The following PAM variants were observed in gnomAD, a reference collection of about 807,000 sequenced individuals.
PAM encodes peptidylglycine alpha-amidating monooxygenase, also known as peptidyl-glycine alpha-amidating monooxygenase.
A neutral mutation model predicts 122.1 loss-of-function variants in PAM; 72 were observed. That is an observed-to-expected ratio of 0.59 (90% CI 0.49 to 0.72). The LOEUF (loss-of-function observed/expected upper bound fraction) is 0.72, where lower values mean the gene tolerates loss of function less well. Among genes scored for constraint, PAM ranks in the 30% least tolerant of loss-of-function variants. The pLI is 0.00. For synonymous variants in PAM, 389 were observed against 404.4 expected, an observed-to-expected ratio of 0.96 and a Z score of 0.46; for missense variants, 1,106 against 1,183.7, an observed-to-expected ratio of 0.93 and a Z score of 0.96.
intron 1 of PAM, among the ~76,000 whole-genome samples, chr5:102,774,321 T>A (rs1238955851): frequency 6.6e-6 from 1 of 152,118 alleles, no homozygotes; most frequent in East Asian, 1.9e-4. Flanking sequence ...GTTGAACTAA[T>A]TTACACTCCC....
intron 15 of PAM, among the ~76,000 whole-genome samples, chr5:102,981,946 A>G (rs761056766): frequency 1.3e-5 from 2 of 152,178 alleles, no homozygotes; most frequent in Non-Finnish European, 2.9e-5. Flanking sequence ...TTTCAAAAAT[A>G]CAGCATTAAT....
Position 102,934,250 on chromosome 5 carries a change from C to G in PAM, c.526+7582C>G, listed in dbSNP as rs191885037. Among the ~76,000 whole-genome samples the G allele has an allele frequency of 4.3e-3, 660 of 152,228 alleles. 4 individuals are homozygous for G. The highest frequency in any genetic ancestry group is 0.015 in the African/African-American group (637 of 41,534). ...AGTGGAAGGGAGACATAAATAGCAC[C>G]ATCTAAGCACTCATCCTAGCCTTCC... On this transcript the variant is annotated intron_variant, in intron 7 of 25. Coordinates refer to ENST00000438793, the MANE Select transcript of PAM (RefSeq NM_001177306.2).
At chr5:102,969,107 AG>A (rs1487945463) in intron 14 of PAM, among the ~76,000 whole-genome samples, 1 of 151,844 alleles carries the variant, frequency 6.6e-6, no homozygotes, top group East Asian at 1.9e-4. Context: ...GGGCTAGGGG[AG>A]GGATAGCATT....
chr5:102,785,770 G>A (rs1760350819), intron 1 of PAM, among the ~76,000 whole-genome samples: 1 of 152,146 alleles, frequency 6.6e-6, no homozygotes, highest in Non-Finnish European at 1.5e-5. Flanking sequence ...AGTAAGAGAT[G>A]TTTTTGTCTC....
intron 16 of PAM, among the ~76,000 whole-genome samples, chr5:102,991,842 A>G (rs756193503): frequency 6.6e-6 from 1 of 152,200 alleles, no homozygotes. Context: ...TACTATTCAT[A>G]GTAGCATATT....
At chr5:102,933,857 G>A (rs1027926036) in intron 7 of PAM, among the ~76,000 whole-genome samples, 1 of 152,192 alleles carries the variant, frequency 6.6e-6, no homozygotes, top group Admixed American at 6.5e-5. Flanking sequence ...CCACTATAAA[G>A]CAGGTTGTTC....
chr5:102,829,166 T>A (rs1476515966), intron 1 of PAM, among the ~76,000 whole-genome samples: 1 of 152,050 alleles, frequency 6.6e-6, no homozygotes, highest in Admixed American at 6.6e-5. Context: ...GATGCAACTG[T>A]TGGGATACAG....
chr5:102,818,315 C>T (rs971145110), intron 1 of PAM, among the ~76,000 whole-genome samples: 9 of 151,460 alleles, frequency 5.9e-5, no homozygotes, highest in East Asian at 3.9e-4. Context: ...AGTAAGTTAG[C>T]GTAGTAAATA....
chr5:102,812,399 A>G (rs1454305471), intron 1 of PAM, among the ~76,000 whole-genome samples: 8 of 152,118 alleles, frequency 5.3e-5, no homozygotes, highest in Non-Finnish European at 1.0e-4. Flanking sequence ...GTAAAGATGC[A>G]GAAGAGAGAC....
At chr5:102,774,606 T>C (rs1756672629) in intron 1 of PAM, among the ~76,000 whole-genome samples, 1 of 152,140 alleles carries the variant, frequency 6.6e-6, no homozygotes, top group Non-Finnish European at 1.5e-5. Flanking sequence ...ATTTCTTTAA[T>C]TACTATTGAG....
chr5:102,867,179 T>C lies in PAM; in HGVS notation c.90-94T>C, dbSNP rs922984616. 2.4e-5 allele frequency: 20 copies of C among 817,286 alleles called. No homozygotes were observed. The African/African-American group carries it at 3.4e-4, about 14-fold the overall frequency. The allele number at this position is 817,286 out of a possible 1,614,324, so 50.6% of individuals were successfully genotyped here. The stretch of plus-strand genomic sequence containing the variant: ...GTTTTCATTGGGTTTAAATCAATCA[T>C]CTTTAAGGTCATAGAATTCCTTTCT... On this transcript the variant is annotated intron_variant, in intron 2 of 25. Coordinates refer to ENST00000438793, the MANE Select transcript of PAM (RefSeq NM_001177306.2).
intron 7 of PAM, 88 bp downstream of exon 7, chr5:102,926,756 A>C: frequency 1.4e-6 from 1 of 718,722 alleles, no homozygotes; most frequent in Non-Finnish European, 2.5e-6. Context: ...CATCTTAAAA[A>C]GAATTGCCCA....
chr5:102,899,370 C>G (rs1047057555), intron 3 of PAM, among the ~76,000 whole-genome samples: 1 of 151,446 alleles, frequency 6.6e-6, no homozygotes, highest in Non-Finnish European at 1.5e-5. Flanking sequence ...AACCAACTTG[C>G]TGAATTTGAT....
chr5:102,987,416 T>C, intron 15 of PAM: 1 of 357,434 alleles, frequency 2.8e-6, no homozygotes, highest in South Asian at 2.2e-5. Context: ...GACAAGTTGG[T>C]TAATGGGTAC....
At chr5:102,758,071 T>TTG (rs1213344672) in intron 1 of PAM, among the ~76,000 whole-genome samples, 1 of 34,652 alleles carries the variant, frequency 2.9e-5, no homozygotes, top group Non-Finnish European at 5.4e-5. Flanking sequence ...ACTTAGAATT[T>TTG]TGTTTTTTTT....
chr5:102,841,446 A>ACAC (rs1778612744), intron 1 of PAM, among the ~76,000 whole-genome samples: 1 of 126,736 alleles, frequency 7.9e-6, no homozygotes, highest in African/African-American at 3.0e-5. Flanking sequence ...CACACACACA[A>ACAC]AGTAGTTATC....
intron 21 of PAM, among the ~76,000 whole-genome samples, chr5:103,012,658 TC>T (rs532305278): frequency 2.3e-3 from 350 of 152,056 alleles, no homozygotes; most frequent in South Asian, 7.9e-3. Context: ...ATCGAGACCA[TC>T]CTGGCTAACA....
At chr5:102,990,979 T>C (rs916352926) in intron 16 of PAM, among the ~76,000 whole-genome samples, 17 of 152,214 alleles carry the variant, frequency 1.1e-4, no homozygotes, top group African/African-American at 3.9e-4. Flanking sequence ...GGCTTAAGAA[T>C]AACTCTAGGA....
rs1784651320 is a variant in PAM at position 103,025,342 on chromosome 5, A to G, written c.2689+8A>G. 1 of 1,610,730 alleles carries G rather than the reference A, an allele frequency of 6.2e-7. No individual in the cohort carries two copies. Among genetic ancestry groups the G allele is most frequent in the Non-Finnish European group, 8.5e-7 (1 of 1,177,038 alleles). On this transcript the variant is annotated splice_region_variant and intron_variant, in intron 24 of 25. Coordinates refer to ENST00000438793, the MANE Select transcript of PAM (RefSeq NM_001177306.2). ...AATCAAGGGCCTTTGGAGGCAAGTA[A>G]AATGAGCCCCGTGAACTTGGAACCT...
Sources: allele counts gnomAD v4.1 joint callset (sites outside exome capture counted in the v4.1 genomes callset), GRCh38; gene constraint gnomAD v4.1.1; transcripts MANE v1.5; gene names NCBI Gene and HGNC (gene_info 2026-07-23, HGNC 2026-07-21).